Variants in AAGAB observed in about 807,000 individuals in gnomAD.
The protein encoded by AAGAB is alpha- and gamma-adaptin-binding protein p34.
In AAGAB, 38 loss-of-function variants were observed where a neutral mutation model predicts 44.1. The ratio of observed to expected loss-of-function variants is 0.86; its 90% CI spans 0.67 to 1.13. The LOEUF is 1.13. Ranked by LOEUF, AAGAB falls within the 50% of genes most tolerant of loss-of-function variation. AAGAB has a pLI of 0.00. For synonymous variants in AAGAB, 131 were observed against 131.8 expected (o/e 0.99, Z 0.04); for missense variants, 450 against 373.8 (o/e 1.20, Z -1.68).
chr15:67,208,187 T>C (rs989176347), intron 7 of AAGAB, among the ~76,000 whole-genome samples: 1 of 151,672 alleles, frequency 6.6e-6, no homozygotes, highest in African/African-American at 2.4e-5. Context: ...TAAAAGCATA[T>C]GGAAGGGCTT....
At chr15:67,254,430 C>T (rs981682502) in intron 1 of AAGAB, 129 bp downstream of exon 1, 2 of 1,446,426 alleles carry the variant, frequency 1.4e-6, no homozygotes, top group Admixed American at 2.8e-5. Context: ...AGACTGGGCG[C>T]CTCCACTGAC....
chr15:67,254,453 G>C (rs1965015045), intron 1 of AAGAB, 106 bp downstream of exon 1: 5 of 1,464,802 alleles, frequency 3.4e-6, no homozygotes, highest in Non-Finnish European at 4.5e-6. Context: ...GAGGAAGAAC[G>C]CAGGGCCCGC....
At chr15:67,221,575 G>A (rs770018794) in intron 5 of AAGAB, among the ~76,000 whole-genome samples, 6 of 152,080 alleles carry the variant, frequency 3.9e-5, no homozygotes, top group Non-Finnish European at 7.4e-5. Context: ...GCAGTTGAGG[G>A]CACATCTACC....
chr15:67,209,084 C>T (rs1010344128), intron 6 of AAGAB, among the ~76,000 whole-genome samples: 15 of 152,196 alleles, frequency 9.9e-5, no homozygotes, highest in African/African-American at 3.6e-4. Context: ...CTTAAGGATG[C>T]AGGGTTGAAA....
chr15:67,222,158 C>T (rs1964078975), intron 5 of AAGAB, among the ~76,000 whole-genome samples: 1 of 151,946 alleles, frequency 6.6e-6, no homozygotes, highest in East Asian at 1.9e-4. Context: ...ACTACTGAAT[C>T]CCTTGCCTCT....
chr15:67,233,665 T>C (rs1964395796), intron 4 of AAGAB, among the ~76,000 whole-genome samples: 1 of 152,174 alleles, frequency 6.6e-6, no homozygotes, highest in Admixed American at 6.5e-5. Flanking sequence ...AGCTATTTGA[T>C]CAAGGGCAAA....
upstream of AAGAB, chr15:67,254,825 A>G: frequency 6.6e-7 from 1 of 1,516,078 alleles, no homozygotes; most frequent in East Asian, 2.4e-5. Context: ...CATGGGGACG[A>G]GCGGCTCCGG....
chr15:67,248,582 A>G (rs1025331632), intron 1 of AAGAB, among the ~76,000 whole-genome samples: 1 of 152,250 alleles, frequency 6.6e-6, no homozygotes, highest in Non-Finnish European at 1.5e-5. Context: ...ATGGTGTCAA[A>G]GCAGCACAAT....
At chr15:67,254,407 C>A (rs1407383248) in intron 1 of AAGAB, 152 bp downstream of exon 1, 7 of 1,427,920 alleles carry the variant, frequency 4.9e-6, no homozygotes, top group Non-Finnish European at 6.4e-6. Flanking sequence ...GAGATAGGGG[C>A]AGCCACCTGG....
intron 5 of AAGAB, among the ~76,000 whole-genome samples, chr15:67,222,242 GCACACACACACACA>G (rs370826027): frequency 5.0e-4 from 45 of 90,128 alleles, no homozygotes; most frequent in African/African-American, 1.2e-3. Flanking sequence ...GCGCGCGCGC[GCACACACACACACA>G]CACACACACA....
intron 3 of AAGAB, 143 bp from the exon 4 acceptor site, chr15:67,236,211 A>T: frequency 1.2e-6 from 1 of 864,898 alleles, no homozygotes. Context: ...AAAGAAAATG[A>T]CTTCTCAGCC....
intron 1 of AAGAB, among the ~76,000 whole-genome samples, chr15:67,238,595 A>C (rs902945173): frequency 6.6e-6 from 1 of 152,252 alleles, no homozygotes; most frequent in Non-Finnish European, 1.5e-5. Context: ...TATGCTGATA[A>C]ATACACATAT....
At chr15:67,248,559 C>T (rs1802299085) in intron 1 of AAGAB, among the ~76,000 whole-genome samples, 1 of 152,232 alleles carries the variant, frequency 6.6e-6, no homozygotes, top group South Asian at 2.1e-4. Flanking sequence ...TATCCCCATT[C>T]TGTTGCTAGA....
In AAGAB at chr15:67,254,505, C is replaced by T. The variant is rs955947267; in HGVS notation, c.73+54G>A. The T allele has an allele frequency of 5.8e-6, 9 of 1,541,464 alleles. No homozygotes were observed. In the Admixed American group the frequency reaches 1.2e-4, roughly 20 times the overall value. On this transcript the variant is annotated intron_variant, in intron 1 of 9. Transcript: ENST00000261880. ...AGAGAGGCCGTGGTGCTGGGTCCGT[C>T]GCCCGCTGAGGCTCAGGGGCCTTGG...
In AAGAB at chr15:67,203,552, T is replaced by A. The variant is rs1963616118; in HGVS notation, c.866A>T (p.Glu289Val). ...LPHEQRKVHAEKVAKAFWMAI... is the reference protein window; with the variant it reads ...LPHEQRKVHAVKVAKAFWMAI... ...ATACCTGGCTGATTGTCTCACCTTT[T>A]CTGCATGCACTTTTCTTTGCTCATG... Residue 289 changes from glutamate to valine, a missense_variant, in exon 9 of 10, where the codon GAA becomes GTA. Glu to Val is a moderately radical substitution (Grantham distance 121). Transcript: ENST00000261880. The A allele has an allele frequency of 2.5e-6, 4 of 1,613,668 alleles. No individual in the cohort carries two copies. Among genetic ancestry groups the A allele is most frequent in the Non-Finnish European group, 3.4e-6 (4 of 1,179,744 alleles).
chr15:67,229,022 A>G (rs1251665665), intron 5 of AAGAB, among the ~76,000 whole-genome samples: 4 of 152,162 alleles, frequency 2.6e-5, no homozygotes, highest in Non-Finnish European at 5.9e-5. Context: ...AAAACTACCT[A>G]TCAGGTACTA....
intron 1 of AAGAB, among the ~76,000 whole-genome samples, chr15:67,249,323 C>T (rs980192040): frequency 2.0e-5 from 3 of 152,134 alleles, no homozygotes; most frequent in African/African-American, 7.2e-5. Context: ...GCGTGAGCCA[C>T]CATGCCTGGC....
intron 1 of AAGAB, among the ~76,000 whole-genome samples, chr15:67,249,128 G>A (rs978606105): frequency 1.3e-5 from 2 of 151,894 alleles, no homozygotes; most frequent in African/African-American, 4.8e-5. Flanking sequence ...TCCACCTCCC[G>A]GGTTCAAGGA....
intron 4 of AAGAB, 28 bp from the exon 5 acceptor site, chr15:67,231,925 T>G: frequency 6.5e-7 from 1 of 1,547,994 alleles, no homozygotes; most frequent in Non-Finnish European, 8.9e-7. Flanking sequence ...ATATATATAT[T>G]TATATGCAAC....
Sources: allele counts gnomAD v4.1 joint callset (sites outside exome capture counted in the v4.1 genomes callset), GRCh38; gene constraint gnomAD v4.1.1; transcripts MANE v1.5; gene names NCBI Gene and HGNC (gene_info 2026-07-23, HGNC 2026-07-21).